Variants in TAMM41 observed in about 807,000 individuals in gnomAD.
The protein encoded by TAMM41 is TAM41 mitochondrial translocator assembly and maintenance homolog, also known as phosphatidate cytidylyltransferase, mitochondrial.
A neutral mutation model predicts 44.1 loss-of-function variants in TAMM41; 36 were observed. That is an observed-to-expected ratio of 0.82 (90% CI 0.63 to 1.08). The LOEUF is 1.08. TAMM41 is among the 50% of genes least tolerant of loss of function. The pLI, the probability that TAMM41 is intolerant of heterozygous loss-of-function variation, is 0.00. For synonymous variants in TAMM41, 164 were observed against 153.1 expected (o/e 1.07, Z -0.53); for missense variants, 417 against 404.3 (o/e 1.03, Z -0.27).
At chr3:11,816,236 G>C (rs1176594348) in intron 5 of TAMM41, among the ~76,000 whole-genome samples, 1 of 150,654 alleles carries the variant, frequency 6.6e-6, no homozygotes, top group Non-Finnish European at 1.5e-5. Context: ...AAAAACCTTT[G>C]GCCCGGCCTG....
At chr3:11,839,609 C>T (rs1361544021) in intron 2 of TAMM41, among the ~76,000 whole-genome samples, 1 of 152,212 alleles carries the variant, frequency 6.6e-6, no homozygotes, top group African/African-American at 2.4e-5. Context: ...GCCTCACAGG[C>T]TGGCTATCCA....
chr3:11,835,851 G>C (rs1450203104), intron 3 of TAMM41, among the ~76,000 whole-genome samples: 1 of 152,124 alleles, frequency 6.6e-6, no homozygotes, highest in Non-Finnish European at 1.5e-5. Context: ...AAAACACCCC[G>C]AGGCTTAGGG....
At position 11,806,924 on chromosome 3, in the gene TAMM41, A is replaced by AG. The variant is rs1220977274; in HGVS notation, c.937+908_937+909insC. Among the ~76,000 whole-genome samples, 66 of 152,352 alleles carry AG rather than the reference A, an allele frequency of 4.3e-4. No individual in the cohort carries two copies. In the East Asian group the frequency reaches 0.012, roughly 28 times the overall value. On this transcript the variant is annotated intron_variant, in intron 7 of 7. Transcript: ENST00000455809. ...CAACAATCCTAGAAGTAAAAGATAA[A>AG]TGCAGCAATGATCTCAAAATTTTAA...
intron 7 of TAMM41, 78 bp from the exon 8 acceptor site, chr3:11,790,659 C>A (rs989133745): frequency 1.5e-6 from 2 of 1,323,370 alleles, no homozygotes; most frequent in African/African-American, 2.9e-5. Flanking sequence ...ACATTCTGAG[C>A]AGACTTGTCT....
the TAMM41 span, among the ~76,000 whole-genome samples, chr3:11,733,506 T>C: frequency 2.6e-5 from 4 of 151,612 alleles, no homozygotes; most frequent in Non-Finnish European, 5.9e-5. Flanking sequence ...GATTTTTTTT[T>C]TTTTGAGACG....
At chr3:11,733,524 G>T in the TAMM41 span, among the ~76,000 whole-genome samples, 1 of 149,874 alleles carries the variant, frequency 6.7e-6, no homozygotes, top group Non-Finnish European at 1.5e-5. Context: ...ACGGAGTCTC[G>T]CTCTGTCACC....
chr3:11,746,263 C>T, the TAMM41 span, among the ~76,000 whole-genome samples: 14 of 147,848 alleles, frequency 9.5e-5, no homozygotes, highest in African/African-American at 2.7e-4. Flanking sequence ...GAGATCGCAC[C>T]ACTGCACTCC....
intron 5 of TAMM41, among the ~76,000 whole-genome samples, chr3:11,815,638 G>A (rs1234831624): frequency 1.3e-5 from 2 of 152,124 alleles, no homozygotes; most frequent in African/African-American, 2.4e-5. Context: ...GCATGAGGGC[G>A]TGAGGTAGAA....
chr3:11,756,743 T>C, the TAMM41 span, among the ~76,000 whole-genome samples: 3 of 151,902 alleles, frequency 2.0e-5, no homozygotes, highest in Admixed American at 6.6e-5. Flanking sequence ...CACATGCCTG[T>C]AATCCCAGTT....
chr3:11,829,375 A>C (rs1283371249), intron 4 of TAMM41, among the ~76,000 whole-genome samples: 2 of 152,220 alleles, frequency 1.3e-5, no homozygotes, highest in Non-Finnish European at 2.9e-5. Context: ...AAACAATGAG[A>C]AAACAAATAT....
chr3:11,727,879 C>G, the TAMM41 span, among the ~76,000 whole-genome samples: 24 of 151,074 alleles, frequency 1.6e-4, no homozygotes, highest in Non-Finnish European at 7.4e-5. Context: ...CTCCGCCTCC[C>G]GGGTTCAAGT....
At chr3:11,842,621 G>A (rs1018984240) in intron 2 of TAMM41, among the ~76,000 whole-genome samples, 2 of 152,126 alleles carry the variant, frequency 1.3e-5, no homozygotes, top group Non-Finnish European at 2.9e-5. Flanking sequence ...TTGAGCCCGG[G>A]AGGCAGAGAT....
the TAMM41 span, among the ~76,000 whole-genome samples, chr3:11,783,524 A>G: frequency 6.6e-6 from 1 of 152,252 alleles, no homozygotes; most frequent in Non-Finnish European, 1.5e-5. Flanking sequence ...TTCATGAGAT[A>G]GTTGTAAATT....
the TAMM41 span, among the ~76,000 whole-genome samples, chr3:11,747,877 A>AT: frequency 0.14 from 5,510 of 38,794 alleles, 337 homozygotes; most frequent in African/African-American, 0.3. Context: ...CTATTTATTT[A>AT]TTTATTTTTT....
At chr3:11,743,517 G>A in the TAMM41 span, among the ~76,000 whole-genome samples, 15 of 151,594 alleles carry the variant, frequency 9.9e-5, no homozygotes, top group Admixed American at 2.6e-4. Context: ...TATTTTTAGC[G>A]GAGACGGGTT....
At chr3:11,753,321 C>T in the TAMM41 span, among the ~76,000 whole-genome samples, 1 of 152,042 alleles carries the variant, frequency 6.6e-6, no homozygotes, top group African/African-American at 2.4e-5. Context: ...GTAGTCCCAG[C>T]TACTTGGGAG....
At chr3:11,845,907 C>T (rs569684955) in intron 1 of TAMM41, among the ~76,000 whole-genome samples, 4 of 152,358 alleles carry the variant, frequency 2.6e-5, no homozygotes, top group South Asian at 4.1e-4. Flanking sequence ...AGGGTAAATA[C>T]ACTGGTCACG....
chr3:11,747,878 T>TTCA, the TAMM41 span, among the ~76,000 whole-genome samples: 1 of 10,714 alleles, frequency 9.3e-5, no homozygotes, highest in Non-Finnish European at 2.2e-4. Context: ...TATTTATTTA[T>TTCA]TTATTTTTTT....
chr3:11,829,982 T>C (rs2078917598), intron 3 of TAMM41, 118 bp from the exon 4 acceptor site: 2 of 959,892 alleles, frequency 2.1e-6, no homozygotes, highest in South Asian at 1.7e-5. Flanking sequence ...CTTGGAATAC[T>C]GGTTCAGGTG....
Sources: allele counts gnomAD v4.1 joint callset (sites outside exome capture counted in the v4.1 genomes callset), GRCh38; gene constraint gnomAD v4.1.1; transcripts MANE v1.5; gene names NCBI Gene and HGNC (gene_info 2026-07-23, HGNC 2026-07-21).